The following CHD2 variants were observed in gnomAD, a reference collection of about 807,000 sequenced individuals.
CHD2 encodes ATP-dependent chromatin remodeler CHD2.
Under a neutral mutation model 243.9 loss-of-function variants are expected in CHD2, and 28 were observed. That is an observed-to-expected ratio of 0.11 (90% confidence interval 0.09 to 0.16). CHD2 has a LOEUF of 0.16. Ranked by LOEUF, CHD2 falls within the 10% of genes least tolerant of loss-of-function variation. The probability of loss-of-function intolerance (pLI) is 1.00; values close to 1 mark genes in which losing one functional copy is unlikely to be tolerated. For synonymous variants in CHD2, 775 were observed against 779.0 expected (o/e 0.99, Z 0.09); for missense variants, 1,386 against 2,209.8 (o/e 0.63, Z 7.47).
chr15:92,926,858 C>T (rs2053071420), intron 3 of CHD2, among the ~76,000 whole-genome samples: 1 of 152,146 alleles, frequency 6.6e-6, no homozygotes, highest in African/African-American at 2.4e-5. Context: ...CTTGTATTTT[C>T]AGTTTCACAG....
At chr15:93,021,956 T>G (rs1177623828) in intron 38 of CHD2, 2 of 152,332 alleles carry the variant, frequency 1.3e-5, no homozygotes, top group East Asian at 3.9e-4. Context: ...AGCTTTGTTA[T>G]GAGTTGCAGG....
At position 92,924,468 on chromosome 15, in the gene CHD2, A is replaced by G; in HGVS notation, c.210A>G (p.Ser70=). 6.2e-7 allele frequency: 1 copy of G among 1,614,190 alleles called. No homozygotes were observed. The highest frequency in any genetic ancestry group is 1.1e-5 in the South Asian group (1 of 91,078). Residue 70 remains serine, a synonymous_variant, in exon 3 of 39, where the codon TCA becomes TCG. Coordinates refer to ENST00000394196, the MANE Select transcript of CHD2 (RefSeq NM_001271.4). ...GTCAGTCGGAATCTGAGAGCGAATC[A>G]GCAGGTTCCAAATCCCAGCCAGTCC... The part of the protein sequence containing the change: ...SESQSESESE[S]AGSKSQPVLP...
chr15:93,017,652 G>A (rs1223714959), intron 37 of CHD2, among the ~76,000 whole-genome samples: 4 of 151,938 alleles, frequency 2.6e-5, no homozygotes, highest in East Asian at 1.9e-4. Context: ...TGGCCTAAAC[G>A]CATTCTTTTT....
At chr15:93,024,346 G>A (rs1241239027) in intron 38 of CHD2, 26 bp from the exon 39 acceptor site, 7 of 1,595,524 alleles carry the variant, frequency 4.4e-6, no homozygotes, top group Middle Eastern at 1.7e-4. Flanking sequence ...TCAGTCTTTC[G>A]ACTAATCCTT....
intron 2 of CHD2, among the ~76,000 whole-genome samples, chr15:92,913,584 G>A (rs962343085): frequency 1.6e-4 from 24 of 152,216 alleles, no homozygotes; most frequent in African/African-American, 5.1e-4. Context: ...GGCTGGGCAC[G>A]GCGGTTCACG....
At chr15:92,983,655 G>C (rs1330310829) in intron 24 of CHD2, among the ~76,000 whole-genome samples, 1 of 152,202 alleles carries the variant, frequency 6.6e-6, no homozygotes, top group Non-Finnish European at 1.5e-5. Context: ...GATACACTTA[G>C]ATGGCTTTCT....
intron 2 of CHD2, among the ~76,000 whole-genome samples, chr15:92,923,355 G>T (rs2052995590): frequency 6.6e-6 from 1 of 151,938 alleles, no homozygotes; most frequent in South Asian, 2.1e-4. Context: ...CGACTTCCTA[G>T]GCTCAAATGA....
chr15:92,938,632 T>C (rs924424862), intron 6 of CHD2, among the ~76,000 whole-genome samples: 4 of 152,362 alleles, frequency 2.6e-5, no homozygotes, highest in Middle Eastern at 3.4e-3. Flanking sequence ...TCTTTTAGAA[T>C]TTTGCTCATT....
intron 37 of CHD2, among the ~76,000 whole-genome samples, chr15:93,015,181 C>T (rs892291609): frequency 6.6e-6 from 1 of 152,068 alleles, no homozygotes; most frequent in Non-Finnish European, 1.5e-5. Flanking sequence ...TGGGTTCAGG[C>T]GATTCTCGTC....
chr15:92,981,559 T>C lies in CHD2; in HGVS notation c.3066+102T>C, dbSNP rs2053980673. 8.4e-6 allele frequency: 7 copies of C among 834,168 alleles called. No individual in the cohort carries two copies. The Admixed American group carries it at 1.2e-4, about 15-fold the overall frequency. 51.7% of individuals were successfully genotyped at this position (834,168 alleles called of 1,614,324 possible). A position where few individuals can be genotyped will look rare whatever the true frequency, so the allele number is the denominator to read the frequency against. On this transcript the variant is annotated intron_variant, in intron 24 of 38. Transcript: ENST00000394196. ...GTGCTAGGCGCTCTGCTTTTCTCTTTACCTGAATTGAGTCATATCCTCAAT... is the reference window on the plus strand; with the variant it reads ...GTGCTAGGCGCTCTGCTTTTCTCTTCACCTGAATTGAGTCATATCCTCAAT...
Position 93,002,676 on chromosome 15 carries a change from C to T in CHD2, c.4278+359C>T, listed in dbSNP as rs550999701. Among the ~76,000 whole-genome samples, 11 of 152,294 alleles carry T rather than the reference C, an allele frequency of 7.2e-5. No homozygotes were observed. The South Asian group carries it at 2.3e-3, about 32-fold the overall frequency. On this transcript the variant is annotated intron_variant, in intron 33 of 38. Transcript: ENST00000394196. ...CACAATCCACAACTGAATTTGAATA[C>T]TTGAAGAGTTTGAGTCAAAAACAAA... is the stretch of plus-strand genomic sequence containing the variant.
intron 6 of CHD2, among the ~76,000 whole-genome samples, chr15:92,938,530 C>T (rs922954673): frequency 6.6e-6 from 1 of 152,144 alleles, no homozygotes; most frequent in African/African-American, 2.4e-5. Flanking sequence ...TGTACTTACC[C>T]CCCAACACCA....
chr15:92,994,013 A>G (rs1472774900), intron 28 of CHD2, among the ~76,000 whole-genome samples: 1 of 152,174 alleles, frequency 6.6e-6, no homozygotes, highest in Non-Finnish European at 1.5e-5. Context: ...AAATGAAGTT[A>G]TTATCATTCT....
At chr15:93,008,063 G>C (rs78161246) in intron 34 of CHD2, among the ~76,000 whole-genome samples, 3,981 of 152,310 alleles carry the variant, frequency 0.026, 111 homozygotes, top group South Asian at 0.12. Context: ...ATTATAGGAT[G>C]ATGTAGCAGA....
chr15:92,920,690 T>G (rs2052937972), intron 2 of CHD2, among the ~76,000 whole-genome samples: 1 of 152,160 alleles, frequency 6.6e-6, no homozygotes, highest in Non-Finnish European at 1.5e-5. Context: ...CTGTGACAGT[T>G]TTATTGGTGG....
At chr15:92,927,049 C>T (rs904180816) in intron 3 of CHD2, among the ~76,000 whole-genome samples, 195 bp from the exon 4 acceptor site, 1 of 152,052 alleles carries the variant, frequency 6.6e-6, no homozygotes, top group African/African-American at 2.4e-5. Flanking sequence ...GTAATGAAGA[C>T]ATTGTTAAAC....
At chr15:92,977,570 G>T (rs1020110339) in intron 20 of CHD2, among the ~76,000 whole-genome samples, 5 of 152,050 alleles carry the variant, frequency 3.3e-5, no homozygotes, top group African/African-American at 1.2e-4. Context: ...GCACTCAGAC[G>T]CAGGCAGGTG....
chr15:92,986,451 C>T (rs548476004), intron 26 of CHD2, among the ~76,000 whole-genome samples: 3 of 152,168 alleles, frequency 2.0e-5, no homozygotes, highest in African/African-American at 4.8e-5. Context: ...ACCTATTCTT[C>T]TTTCTTTGTT....
At chr15:92,940,070 A>G (rs781461805) in intron 7 of CHD2, among the ~76,000 whole-genome samples, 9 of 152,316 alleles carry the variant, frequency 5.9e-5, no homozygotes, top group Admixed American at 2.0e-4. Context: ...TGAATCACAG[A>G]CGTTTTTCTG....
Sources: gnomAD v4.1 joint callset for allele counts (sites outside exome capture counted in the v4.1 genomes callset) on GRCh38, gnomAD v4.1.1 for gene constraint, MANE v1.5 for transcripts, NCBI Gene and HGNC (gene_info 2026-07-23, HGNC 2026-07-21) for gene names.